The following AKR1C8 variants were observed in gnomAD, a reference collection of about 807,000 sequenced individuals.
AKR1C8 encodes aldo-keto reductase family 1 member C8.
At chr10:5,120,928 A>G in the AKR1C8 span, among the ~76,000 whole-genome samples, 1 of 152,166 alleles carries the variant, frequency 6.6e-6, no homozygotes, top group African/African-American at 2.4e-5. Context: ...AAATGAGCAT[A>G]TATTTCCAAG....
At chr10:5,163,029 C>G in the AKR1C8 span, 1 of 531,246 alleles carries the variant, frequency 1.9e-6, no homozygotes, top group Admixed American at 1.9e-5. Context: ...GTCTATAAGA[C>G]AGGAGTAAAG....
the AKR1C8 span, among the ~76,000 whole-genome samples, chr10:5,175,920 CG>C: frequency 1.3e-5 from 2 of 152,020 alleles, no homozygotes; most frequent in Admixed American, 6.6e-5. Context: ...TCTCCCATTT[CG>C]TAGGTTGCCT....
chr10:5,118,250 G>A, the AKR1C8 span, among the ~76,000 whole-genome samples: 1 of 152,168 alleles, frequency 6.6e-6, no homozygotes, highest in East Asian at 1.9e-4. Flanking sequence ...GGTAGGGACA[G>A]GGGAAACAGG....
chr10:5,132,526 A>T, the AKR1C8 span: 29 of 1,265,574 alleles, frequency 2.3e-5, no homozygotes, highest in Non-Finnish European at 2.8e-5. Flanking sequence ...CCACCTACAG[A>T]TCCAGTTACA....
At chr10:5,153,614 A>G in the AKR1C8 span, among the ~76,000 whole-genome samples, 5 of 152,166 alleles carry the variant, frequency 3.3e-5, no homozygotes, top group African/African-American at 1.2e-4. Flanking sequence ...GTCATGGTGG[A>G]AGGCAAGGGG....
the AKR1C8 span, among the ~76,000 whole-genome samples, chr10:5,165,911 C>G: frequency 6.6e-6 from 1 of 152,132 alleles, no homozygotes; most frequent in Admixed American, 6.5e-5. Flanking sequence ...CATGACTACT[C>G]CTAACGACTA....
At chr10:5,176,713 C>T in the AKR1C8 span, among the ~76,000 whole-genome samples, 18 of 152,094 alleles carry the variant, frequency 1.2e-4, no homozygotes, top group Admixed American at 3.9e-4. Context: ...AAGTTGGATT[C>T]CTAGGTATTT....
the AKR1C8 span, among the ~76,000 whole-genome samples, chr10:5,148,506 T>G: frequency 1.3e-5 from 2 of 152,100 alleles, no homozygotes; most frequent in East Asian, 1.9e-4. Flanking sequence ...TTTTGGGAAC[T>G]GCAATATCTA....
chr10:5,122,823 C>T, the AKR1C8 span, among the ~76,000 whole-genome samples: 1 of 151,804 alleles, frequency 6.6e-6, no homozygotes, highest in Non-Finnish European at 1.5e-5. Context: ...GTGTTCTACA[C>T]ATAGAAAGAG....
At chr10:5,167,207 C>T in the AKR1C8 span, among the ~76,000 whole-genome samples, 5 of 152,088 alleles carry the variant, frequency 3.3e-5, no homozygotes, top group Non-Finnish European at 7.4e-5. Flanking sequence ...TAGTTCAACC[C>T]TTATGGAAGT....
At chr10:5,155,630 T>C in the AKR1C8 span, 1 of 435,468 alleles carries the variant, frequency 2.3e-6, no homozygotes, top group South Asian at 1.8e-5. Context: ...TTTCCCTGCA[T>C]ACTACAGAAA....
the AKR1C8 span, chr10:5,132,840 C>A: frequency 3.1e-6 from 2 of 636,150 alleles, no homozygotes; most frequent in Admixed American, 6.4e-5. Flanking sequence ...CAAACAATGA[C>A]CCTCACAAAA....
At chr10:5,153,237 A>G in the AKR1C8 span, among the ~76,000 whole-genome samples, 3 of 139,164 alleles carry the variant, frequency 2.2e-5, no homozygotes, top group Non-Finnish European at 4.8e-5. Context: ...AGTTTTGCTT[A>G]ATAAATGAAT....
the AKR1C8 span, among the ~76,000 whole-genome samples, chr10:5,134,252 C>T: frequency 6.6e-6 from 1 of 152,096 alleles, no homozygotes; most frequent in Admixed American, 6.6e-5. Context: ...TCCTTACTTC[C>T]CCCTCATGCC....
chr10:5,120,054 T>C, the AKR1C8 span, among the ~76,000 whole-genome samples: 1 of 152,182 alleles, frequency 6.6e-6, no homozygotes, highest in Admixed American at 6.5e-5. Flanking sequence ...GAAGGTTGTT[T>C]GTTTACCGGA....
chr10:5,166,987 G>C, the AKR1C8 span, among the ~76,000 whole-genome samples: 2 of 151,032 alleles, frequency 1.3e-5, no homozygotes, highest in African/African-American at 2.4e-5. Flanking sequence ...ATGAAGAGAC[G>C]CTTCTCAAAA....
chr10:5,152,392 G>A, the AKR1C8 span, among the ~76,000 whole-genome samples: 1 of 152,140 alleles, frequency 6.6e-6, no homozygotes, highest in Non-Finnish European at 1.5e-5. Flanking sequence ...ACTGATCTAT[G>A]TGGCTCAGAG....
chr10:5,180,604 C>A, the AKR1C8 span, among the ~76,000 whole-genome samples: 2 of 152,228 alleles, frequency 1.3e-5, no homozygotes, highest in Non-Finnish European at 2.9e-5. Flanking sequence ...GGCAGGCAGG[C>A]CTCCTTGAGC....
chr10:5,183,354 G>A, the AKR1C8 span, among the ~76,000 whole-genome samples: 525 of 152,094 alleles, frequency 3.5e-3, 2 homozygotes, highest in African/African-American at 0.012. Flanking sequence ...TCCATACACC[G>A]AAATCGTAAC....
Sources: allele counts gnomAD v4.1 joint callset (sites outside exome capture counted in the v4.1 genomes callset), GRCh38; gene constraint gnomAD v4.1.1; transcripts MANE v1.5; gene names NCBI Gene and HGNC (gene_info 2026-07-23, HGNC 2026-07-21).